Variants in PDE11A observed in about 807,000 individuals in gnomAD.
PDE11A encodes the protein phosphodiesterase 11A.
PDE11A carries 100 observed loss-of-function variants against 100.5 expected under a neutral mutation model. That is an observed-to-expected ratio of 1.00 (90% CI 0.85 to 1.18). PDE11A has a LOEUF of 1.18. Ranked by LOEUF, PDE11A falls within the 50% of genes most tolerant of loss-of-function variation. PDE11A has a pLI of 0.00. For missense variants in PDE11A, 1,141 were observed against 1,152.6 expected, an observed-to-expected ratio of 0.99 and a Z score of 0.15; for synonymous variants, 381 against 420.8, an observed-to-expected ratio of 0.91 and a Z score of 1.16.
chr2:177,860,002 G>C (rs1295993879), intron 5 of PDE11A, among the ~76,000 whole-genome samples: 2 of 151,508 alleles, frequency 1.3e-5, no homozygotes, highest in African/African-American at 2.4e-5. Context: ...ACATTAAAAA[G>C]GAAAAATAAG....
intron 10 of PDE11A, among the ~76,000 whole-genome samples, chr2:177,736,692 A>G (rs550676149): frequency 6.6e-6 from 1 of 151,980 alleles, no homozygotes; most frequent in Admixed American, 6.5e-5. Flanking sequence ...GAGGCAAAGG[A>G]CTCCCATGTT....
chr2:178,032,156 C>T (rs1366616295), intron 1 of PDE11A, among the ~76,000 whole-genome samples: 1 of 152,148 alleles, frequency 6.6e-6, no homozygotes, highest in Non-Finnish European at 1.5e-5. Context: ...TCATATCCTA[C>T]ACCCTAACAC....
chr2:177,957,239 A>G (rs1172707730), intron 2 of PDE11A, among the ~76,000 whole-genome samples: 6 of 151,752 alleles, frequency 4.0e-5, no homozygotes, highest in Admixed American at 3.3e-4. Flanking sequence ...AATACTGTAT[A>G]TAATATATGC....
chr2:177,815,102 A>G (rs554089487), intron 9 of PDE11A, among the ~76,000 whole-genome samples: 1 of 152,306 alleles, frequency 6.6e-6, no homozygotes, highest in South Asian at 2.1e-4. Flanking sequence ...CAGTTACTGA[A>G]AAACAATGGG....
intron 2 of PDE11A, among the ~76,000 whole-genome samples, chr2:177,933,747 G>A (rs1486662919): frequency 1.3e-5 from 2 of 152,046 alleles, no homozygotes; most frequent in Non-Finnish European, 2.9e-5. Flanking sequence ...ATACTACAAG[G>A]CTATAGTAAT....
intron 2 of PDE11A, among the ~76,000 whole-genome samples, chr2:177,925,106 C>T (rs2085108884): frequency 6.6e-6 from 1 of 150,394 alleles, no homozygotes; most frequent in Non-Finnish European, 1.5e-5. Context: ...ATATGTGCCA[C>T]ATTTTCTTAA....
chr2:177,710,830 C>G (rs913576176), intron 13 of PDE11A, among the ~76,000 whole-genome samples: 5 of 152,158 alleles, frequency 3.3e-5, no homozygotes, highest in Non-Finnish European at 7.4e-5. Context: ...TGAAAAGAAC[C>G]TGTTGACAAA....
At chr2:178,017,488 AT>A (rs2086352953) in intron 1 of PDE11A, among the ~76,000 whole-genome samples, 1 of 152,250 alleles carries the variant, frequency 6.6e-6, no homozygotes, top group African/African-American at 2.4e-5. Context: ...ATACTTAAAA[AT>A]AATACTAAAT....
intron 2 of PDE11A, among the ~76,000 whole-genome samples, chr2:177,944,163 T>C (rs1170849085): frequency 6.6e-6 from 1 of 152,202 alleles, no homozygotes; most frequent in East Asian, 1.9e-4. Flanking sequence ...TGTATGGTAA[T>C]GTGAAAGCAG....
At chr2:178,051,908 A>G (rs1357347287) in intron 1 of PDE11A, among the ~76,000 whole-genome samples, 1 of 152,210 alleles carries the variant, frequency 6.6e-6, no homozygotes, top group African/African-American at 2.4e-5. Flanking sequence ...CCACACAATA[A>G]TAATGGGAGA....
Position 177,959,640 on chromosome 2 carries a change from G to T in PDE11A, c.1072-54453C>A, listed in dbSNP as rs895818621. ...TTGAGTAGTGAGAAAAAGATTTCAG[G>T]GTTGAACAATTGGGGGAATGGTGTG... On this transcript the variant is annotated intron_variant, in intron 2 of 19. Transcript: ENST00000286063. 2.6e-5 allele frequency among the ~76,000 whole-genome samples: 4 copies of T among 152,138 alleles called. No homozygotes were observed. The South Asian group carries it at 6.2e-4, about 24-fold the overall frequency.
intron 5 of PDE11A, among the ~76,000 whole-genome samples, chr2:177,855,813 A>G (rs2083821975): frequency 6.6e-6 from 1 of 152,008 alleles, no homozygotes; most frequent in Admixed American, 6.6e-5. Flanking sequence ...GAAGCTGAGC[A>G]AAAAGCTTAA....
chr2:177,643,073 C>G (rs2080168025), intron 19 of PDE11A, among the ~76,000 whole-genome samples: 1 of 152,138 alleles, frequency 6.6e-6, no homozygotes, highest in South Asian at 2.1e-4. Flanking sequence ...TGTAAATCAC[C>G]CAGTCTTGGG....
chr2:177,828,746 T>C (rs2083264394), intron 6 of PDE11A, among the ~76,000 whole-genome samples: 1 of 152,142 alleles, frequency 6.6e-6, no homozygotes, highest in South Asian at 2.1e-4. Context: ...TTGCATAGTA[T>C]GAGTAAGGGA....
chr2:178,053,884 A>T (rs1208117659), intron 1 of PDE11A, among the ~76,000 whole-genome samples: 1 of 152,182 alleles, frequency 6.6e-6, no homozygotes, highest in Non-Finnish European at 1.5e-5. Context: ...GTGGAAAAAA[A>T]TTCCATGCTC....
intron 9 of PDE11A, among the ~76,000 whole-genome samples, chr2:177,787,728 G>T (rs1001369271): frequency 6.6e-6 from 1 of 150,726 alleles, no homozygotes; most frequent in Admixed American, 6.6e-5. Context: ...AATAGGCAGG[G>T]GTTGCAATCC....
At chr2:178,000,633 A>T (rs746148423) in intron 2 of PDE11A, among the ~76,000 whole-genome samples, 1 of 152,232 alleles carries the variant, frequency 6.6e-6, no homozygotes, top group South Asian at 2.1e-4. Flanking sequence ...GAAAATATTA[A>T]AGTATCTACC....
At chr2:177,654,760 C>T (rs943220452) in intron 19 of PDE11A, among the ~76,000 whole-genome samples, 1 of 152,150 alleles carries the variant, frequency 6.6e-6, no homozygotes, top group African/African-American at 2.4e-5. Flanking sequence ...CTTTACTGTT[C>T]TCATTTGCTT....
At chr2:177,914,116 T>C (rs2084919602) in intron 2 of PDE11A, among the ~76,000 whole-genome samples, 1 of 152,216 alleles carries the variant, frequency 6.6e-6, no homozygotes, top group South Asian at 2.1e-4. Context: ...TTTACTTGAT[T>C]AATAGATTGA....
Sources: gnomAD v4.1 joint callset for allele counts (sites outside exome capture counted in the v4.1 genomes callset) on GRCh38, gnomAD v4.1.1 for gene constraint, MANE v1.5 for transcripts, NCBI Gene and HGNC (gene_info 2026-07-23, HGNC 2026-07-21) for gene names.